RASEF: variants seen among roughly 807,000 people sequenced by gnomAD.
The protein encoded by RASEF is RAS and EF-hand domain containing.
Under a neutral mutation model 90.1 loss-of-function variants are expected in RASEF, and 68 were observed. That is an observed-to-expected ratio of 0.75 (90% CI 0.62 to 0.92). RASEF has a LOEUF of 0.92. RASEF is among the 40% of genes least tolerant of loss of function. The probability of loss-of-function intolerance (pLI) is 0.00; values close to 1 mark genes in which losing one functional copy is unlikely to be tolerated. For missense variants in RASEF, 949 were observed against 937.2 expected (o/e 1.01, Z -0.16); for synonymous variants, 331 against 345.2 (o/e 0.96, Z 0.46).
chr9:83,068,624 C>T, the RASEF span, among the ~76,000 whole-genome samples: 9 of 152,210 alleles, frequency 5.9e-5, no homozygotes, highest in African/African-American at 1.9e-4. Flanking sequence ...AGCTTGAAAT[C>T]AAATCGACAT....
At chr9:82,997,851 T>C (rs1587481838) in intron 13 of RASEF, among the ~76,000 whole-genome samples, 2 of 152,196 alleles carry the variant, frequency 1.3e-5, no homozygotes, top group African/African-American at 4.8e-5. Context: ...TACTTACGGG[T>C]TGAACAATTG....
chr9:83,027,928 C>A (rs1587506344), intron 1 of RASEF, among the ~76,000 whole-genome samples: 2 of 152,314 alleles, frequency 1.3e-5, no homozygotes, highest in East Asian at 1.9e-4. Context: ...TCAGAGACTG[C>A]AATCTGGCCT....
chr9:83,063,094 T>C lies in RASEF; in HGVS notation c.-227A>G. On this transcript the variant is annotated 5_prime_UTR_variant, in exon 1 of 17. Transcript: ENST00000376447. ...AGCCCCCAACAGGTCCCGGGAGCGG[T>C]GGGGTGCGCCCGGGCTCCAGGCACC... The C allele has an allele frequency of 2.1e-6, 1 of 481,358 alleles. No individual in the cohort carries two copies. Among genetic ancestry groups the C allele is most frequent in the Non-Finnish European group, 3.5e-6 (1 of 282,042 alleles). The allele number at this position is 481,358 out of a possible 1,614,324, so 29.8% of individuals were successfully genotyped here.
the RASEF span, among the ~76,000 whole-genome samples, chr9:83,098,587 T>C: frequency 1.3e-5 from 2 of 152,192 alleles, no homozygotes; most frequent in African/African-American, 4.8e-5. Flanking sequence ...TAGTCCATTC[T>C]CACACTGCTG....
rs559660579 is a variant in RASEF at position 83,049,074 on chromosome 9, A to C, written c.431+13363T>G. On this transcript the variant is annotated intron_variant, in intron 1 of 16. Coordinates refer to ENST00000376447, the MANE Select transcript of RASEF (RefSeq NM_152573.4). ...GGGAGGCAAAGGTTGCAGTGAGCTG[A>C]GATCACACCACTGCACTCCAGCCAG... 2.6e-5 allele frequency among the ~76,000 whole-genome samples: 4 copies of C among 151,466 alleles called. No homozygotes were observed. In the East Asian group the frequency reaches 7.8e-4, roughly 30 times the overall value.
the RASEF span, among the ~76,000 whole-genome samples, chr9:83,204,663 A>G: frequency 2.0e-5 from 3 of 152,250 alleles, no homozygotes; most frequent in East Asian, 5.8e-4. Context: ...ATAGCACATG[A>G]TGACTATAAT....
chr9:83,127,935 T>A, the RASEF span, among the ~76,000 whole-genome samples: 9 of 152,276 alleles, frequency 5.9e-5, no homozygotes, highest in Non-Finnish European at 1.0e-4. Flanking sequence ...TGAGATGATA[T>A]TTGTTCCTAT....
the RASEF span, among the ~76,000 whole-genome samples, chr9:83,123,668 C>T: frequency 6.6e-6 from 1 of 152,216 alleles, no homozygotes; most frequent in Admixed American, 6.5e-5. Context: ...GCCCTCACCC[C>T]ACCCTCTGCT....
the RASEF span, among the ~76,000 whole-genome samples, chr9:83,144,326 G>GAAAGGAAAGAAAGAAAGAAA: frequency 1.0e-4 from 4 of 39,436 alleles, 1 homozygote; most frequent in Admixed American, 3.1e-4. Flanking sequence ...AAAGAAAGAA[G>GAAAGGAAAGAAAGAAAGAAA]GAAAGAAAGA....
intron 5 of RASEF, among the ~76,000 whole-genome samples, chr9:83,011,378 CCT>C (rs2118503136): frequency 6.6e-6 from 1 of 151,554 alleles, no homozygotes; most frequent in East Asian, 1.9e-4. Context: ...ACGGTGAAAC[CCT>C]GTCTCTATTA....
At chr9:83,052,898 G>A (rs1203359255) in intron 1 of RASEF, among the ~76,000 whole-genome samples, 1 of 148,708 alleles carries the variant, frequency 6.7e-6, no homozygotes, top group Non-Finnish European at 1.5e-5. Context: ...ATTGCACTGT[G>A]GTCAAAGAGA....
At chr9:83,192,829 T>C in the RASEF span, among the ~76,000 whole-genome samples, 1 of 151,698 alleles carries the variant, frequency 6.6e-6, no homozygotes, top group African/African-American at 2.4e-5. Context: ...CTAATTGCTC[T>C]AGATTGACTG....
the RASEF span, among the ~76,000 whole-genome samples, chr9:83,120,192 A>C: frequency 6.6e-6 from 1 of 152,220 alleles, no homozygotes. Context: ...AAGATGGAAA[A>C]CTAAAACTGC....
chr9:83,185,008 T>C, the RASEF span, among the ~76,000 whole-genome samples: 1 of 152,018 alleles, frequency 6.6e-6, no homozygotes, highest in Non-Finnish European at 1.5e-5. Context: ...TCCCAAACTG[T>C]GGGGTGGGGC....
rs1005752245 is a variant in RASEF at position 83,000,783 on chromosome 9, T to C, written c.1437+113A>G. The stretch of plus-strand genomic sequence containing the variant: ...GGAGGAAAAAGCATTTTACTAACTA[T>C]GCTTTACATCTATGACCTTTAAAAC... On this transcript the variant is annotated intron_variant, in intron 10 of 16. Coordinates refer to ENST00000376447, the MANE Select transcript of RASEF (RefSeq NM_152573.4). The C allele has an allele frequency of 8.9e-6, 9 of 1,013,580 alleles. No homozygotes were observed. The East Asian group carries it at 1.8e-4, about 20-fold the overall frequency. The allele number at this position is 1,013,580 out of a possible 1,614,324, so 62.8% of individuals were successfully genotyped here.
chr9:83,142,304 G>T, the RASEF span, among the ~76,000 whole-genome samples: 7 of 152,300 alleles, frequency 4.6e-5, no homozygotes, highest in Admixed American at 2.0e-4. Flanking sequence ...AACAAGTTGA[G>T]CTTTCAGAAT....
chr9:83,128,038 TTTG>T, the RASEF span, among the ~76,000 whole-genome samples: 1 of 151,162 alleles, frequency 6.6e-6, no homozygotes, highest in Admixed American at 6.6e-5. Context: ...TTTTTTTTTT[TTTG>T]TTTTGCAAAA....
At chr9:83,158,109 A>C in the RASEF span, among the ~76,000 whole-genome samples, 2 of 152,190 alleles carry the variant, frequency 1.3e-5, no homozygotes, top group Non-Finnish European at 2.9e-5. Context: ...CATGTAAGAA[A>C]ACCAACATGA....
the RASEF span, among the ~76,000 whole-genome samples, chr9:83,091,776 G>C: frequency 6.6e-6 from 1 of 151,966 alleles, no homozygotes; most frequent in African/African-American, 2.4e-5. Context: ...CTAGTCTTTT[G>C]AGTGGGGTCT....
Sources: allele counts gnomAD v4.1 joint callset (sites outside exome capture counted in the v4.1 genomes callset), GRCh38; gene constraint gnomAD v4.1.1; transcripts MANE v1.5; gene names NCBI Gene and HGNC (gene_info 2026-07-23, HGNC 2026-07-21).